The following TPTE2 variants were observed in gnomAD, a reference collection of about 807,000 sequenced individuals.
TPTE2 encodes the protein transmembrane phosphoinositide 3-phosphatase and tensin homolog 2, also known as phosphatidylinositol 3,4,5-trisphosphate 3-phosphatase TPTE2.
Under a neutral mutation model 78.6 loss-of-function variants are expected in TPTE2, and 53 were observed. That is an observed-to-expected ratio of 0.67 (90% CI 0.54 to 0.85). The LOEUF is 0.85. Among genes scored for constraint, TPTE2 ranks in the 40% least tolerant of loss-of-function variants. TPTE2 has a pLI of 0.00. For synonymous variants in TPTE2, 175 were observed against 206.2 expected (o/e 0.85, Z 1.30); for missense variants, 461 against 623.0 (o/e 0.74, Z 2.77).
chr13:19,503,145 G>A, intron 1 of TPTE2, 79 bp downstream of exon 4: 8 of 1,596,246 alleles, frequency 5.0e-6, no homozygotes, highest in South Asian at 1.1e-5. Flanking sequence ...GGATATATTT[G>A]TTTATGTGCC....
At chr13:19,461,825 G>A (rs548816484) in intron 10 of TPTE2, among the ~76,000 whole-genome samples, 179 of 151,862 alleles carry the variant, frequency 1.2e-3, no homozygotes, top group Non-Finnish European at 1.8e-3. Flanking sequence ...ACCTCTGCTC[G>A]CTTTTGGTTT....
chr13:19,525,160 TGA>T, intron 1 of TPTE2, among the ~76,000 whole-genome samples: 1 of 152,076 alleles, frequency 6.6e-6, no homozygotes, highest in East Asian at 1.9e-4. Flanking sequence ...TAGTAAGAAT[TGA>T]GAGGAGAGAC....
chr13:19,440,932 CA>C (rs1204636532), intron 13 of TPTE2, among the ~76,000 whole-genome samples: 1 of 151,714 alleles, frequency 6.6e-6, no homozygotes, highest in Non-Finnish European at 1.5e-5. Flanking sequence ...ACTAAAAATA[CA>C]AAAATTAGCT....
intron 4 of TPTE2, among the ~76,000 whole-genome samples, chr13:19,479,493 AG>A (rs1430210757): frequency 1.4e-4 from 22 of 152,284 alleles, no homozygotes; most frequent in Admixed American, 8.5e-4. Flanking sequence ...AAATTTACAA[AG>A]AAAATATCAA....
chr13:19,546,199 T>C, the TPTE2 span, among the ~76,000 whole-genome samples: 1 of 151,876 alleles, frequency 6.6e-6, no homozygotes, highest in Non-Finnish European at 1.5e-5. Flanking sequence ...CCACACCTCT[T>C]AAAAGAAAAG....
the TPTE2 span, among the ~76,000 whole-genome samples, chr13:19,556,025 C>T: frequency 6.6e-6 from 1 of 151,914 alleles, no homozygotes; most frequent in Non-Finnish European, 1.5e-5. Context: ...GTTGGCCAGG[C>T]TGGTCTTGAA....
chr13:19,548,463 T>G, the TPTE2 span, among the ~76,000 whole-genome samples: 1 of 152,034 alleles, frequency 6.6e-6, no homozygotes, highest in Admixed American at 6.6e-5. Flanking sequence ...CTTATCTCAC[T>G]GTTCTTCTTG....
chr13:19,459,426 G>C (rs1878746441), intron 10 of TPTE2, among the ~76,000 whole-genome samples: 1 of 152,182 alleles, frequency 6.6e-6, no homozygotes, highest in South Asian at 2.1e-4. Context: ...GCAGGAGGTG[G>C]CTGGAGACCC....
At chr13:19,511,718 T>C (rs1384300921) in intron 1 of TPTE2, among the ~76,000 whole-genome samples, 1 of 152,066 alleles carries the variant, frequency 6.6e-6, no homozygotes, top group Non-Finnish European at 1.5e-5. Context: ...AACATCAAAA[T>C]AAATAATGAC....
At chr13:19,480,192 G>T (rs552601724) in intron 4 of TPTE2, among the ~76,000 whole-genome samples, 66 of 152,100 alleles carry the variant, frequency 4.3e-4, no homozygotes, top group South Asian at 1.0e-3. Flanking sequence ...GTTTTTCTCT[G>T]GTACAGACTC....
At chr13:19,512,265 T>G (rs376939320) in intron 1 of TPTE2, among the ~76,000 whole-genome samples, 1 of 152,234 alleles carries the variant, frequency 6.6e-6, no homozygotes, top group African/African-American at 2.4e-5. Context: ...AAGAGTCTGA[T>G]GAATAACTTG....
At chr13:19,480,786 C>T (rs567786860) in intron 4 of TPTE2, among the ~76,000 whole-genome samples, 1 of 152,248 alleles carries the variant, frequency 6.6e-6, no homozygotes, top group South Asian at 2.1e-4. Flanking sequence ...TGTTAAAGCA[C>T]ATATCAATAT....
intron 1 of TPTE2, among the ~76,000 whole-genome samples, chr13:19,523,120 C>T (rs1593418221): frequency 6.6e-6 from 1 of 152,208 alleles, no homozygotes; most frequent in Non-Finnish European, 1.5e-5. Context: ...CACGTAATGA[C>T]GTTTCTCTGG....
At chr13:19,561,073 G>T in the TPTE2 span, 71 of 1,586,730 alleles carry the variant, frequency 4.5e-5, no homozygotes, top group African/African-American at 7.9e-4. Context: ...CGCCCTGCTC[G>T]CCAGGCCCAG....
chr13:19,542,709 T>C, the TPTE2 span, among the ~76,000 whole-genome samples: 1 of 152,298 alleles, frequency 6.6e-6, no homozygotes, highest in South Asian at 2.1e-4. Context: ...ATATATTTCA[T>C]GTAGGCCAGG....
rs148675494 is a variant in TPTE2, at chr13:19,508,381, A to G, written c.-43-5104T>C. Among the ~76,000 whole-genome samples the G allele has an allele frequency of 4.4e-3, 669 of 152,306 alleles. 8 individuals are homozygous for G. Among genetic ancestry groups the G allele is most frequent in the African/African-American group, 0.015 (631 of 41,568 alleles). Reference sequence around the variant, plus strand: ...AACTGTAGCAAAACTACTGGAACACACTGACCAAGATTTTAAAGTAAGCAT... The same window carrying G: ...AACTGTAGCAAAACTACTGGAACACGCTGACCAAGATTTTAAAGTAAGCAT... On this transcript the variant is annotated intron_variant, in intron 1 of 17. Coordinates refer to the TPTE2 transcript ENST00000390680.
At chr13:19,476,435 G>T (rs1402969456) in intron 4 of TPTE2, among the ~76,000 whole-genome samples, 2 of 151,290 alleles carry the variant, frequency 1.3e-5, no homozygotes, top group Non-Finnish European at 2.9e-5. Context: ...CTCCAACACA[G>T]GACTCAAATT....
intron 6 of TPTE2, among the ~76,000 whole-genome samples, chr13:19,469,589 C>T (rs1008371027): frequency 6.6e-6 from 1 of 152,082 alleles, no homozygotes; most frequent in African/African-American, 2.4e-5. Flanking sequence ...ACAAGGAGTG[C>T]ATTGAATCTG....
At chr13:19,429,240 G>C (rs1322111246) in intron 17 of TPTE2, among the ~76,000 whole-genome samples, 1 of 152,194 alleles carries the variant, frequency 6.6e-6, no homozygotes, top group Admixed American at 6.5e-5. Flanking sequence ...AAAGGGTAAG[G>C]AGACCACTGC....
Sources: gnomAD v4.1 joint callset for allele counts (sites outside exome capture counted in the v4.1 genomes callset) on GRCh38, gnomAD v4.1.1 for gene constraint, MANE v1.5 for transcripts, NCBI Gene and HGNC (gene_info 2026-07-23, HGNC 2026-07-21) for gene names.